ZFPM2: variants seen among roughly 807,000 people sequenced by gnomAD.
The protein encoded by ZFPM2 is zinc finger protein, FOG family member 2.
Under a neutral mutation model 98.6 loss-of-function variants are expected in ZFPM2, and 20 were observed. The ratio of observed to expected loss-of-function variants is 0.20; its 90% CI spans 0.14 to 0.29. The LOEUF (loss-of-function observed/expected upper bound fraction) is 0.29. ZFPM2 is among the 10% of genes least tolerant of loss of function. The pLI is 1.00. For synonymous variants in ZFPM2, 518 were observed against 502.7 expected (o/e 1.03, Z -0.41); for missense variants, 1,310 against 1,388.6 (o/e 0.94, Z 0.90).
chr8:105,646,897 T>G (rs1258520920), intron 5 of ZFPM2, among the ~76,000 whole-genome samples: 1 of 152,166 alleles, frequency 6.6e-6, no homozygotes, highest in Non-Finnish European at 1.5e-5. Flanking sequence ...TGCCCCTGGA[T>G]CTAAAGGCTC....
chr8:105,756,778 C>T (rs1480844456), intron 5 of ZFPM2, among the ~76,000 whole-genome samples: 2 of 151,792 alleles, frequency 1.3e-5, no homozygotes, highest in Non-Finnish European at 2.9e-5. Flanking sequence ...AGATTTCATG[C>T]AGCAGTTGGC....
chr8:105,796,278 G>A (rs1245201066), intron 6 of ZFPM2, among the ~76,000 whole-genome samples: 1 of 152,218 alleles, frequency 6.6e-6, no homozygotes, highest in Non-Finnish European at 1.5e-5. Context: ...AGTATCTGAT[G>A]TTAATTCTAA....
chr8:105,785,866 C>T (rs1813399596), intron 5 of ZFPM2, among the ~76,000 whole-genome samples: 2 of 151,900 alleles, frequency 1.3e-5, no homozygotes, highest in African/African-American at 4.8e-5. Flanking sequence ...CACGGTGAAA[C>T]CCCATCTCTA....
chr8:105,449,707 T>C (rs531762024), intron 3 of ZFPM2, among the ~76,000 whole-genome samples: 8 of 152,048 alleles, frequency 5.3e-5, no homozygotes, highest in Admixed American at 1.3e-4. Flanking sequence ...TTGAGCAAGC[T>C]ATTAACACTC....
chr8:105,785,640 A>G (rs1813393085), intron 5 of ZFPM2, among the ~76,000 whole-genome samples: 1 of 152,184 alleles, frequency 6.6e-6, no homozygotes, highest in Non-Finnish European at 1.5e-5. Context: ...ACCATGGCTC[A>G]CGCCTGCAAT....
At chr8:105,739,341 G>A (rs1812161043) in intron 5 of ZFPM2, among the ~76,000 whole-genome samples, 2 of 152,064 alleles carry the variant, frequency 1.3e-5, no homozygotes, top group South Asian at 4.1e-4. Flanking sequence ...TAAATTAAGT[G>A]TAGTTGTAAT....
intron 5 of ZFPM2, among the ~76,000 whole-genome samples, chr8:105,636,365 G>A (rs780956363): frequency 6.6e-6 from 1 of 152,282 alleles, no homozygotes; most frequent in South Asian, 2.1e-4. Flanking sequence ...GGTAAAGCAT[G>A]CATTGAGTCC....
intron 4 of ZFPM2, among the ~76,000 whole-genome samples, chr8:105,599,560 G>A (rs1816048414): frequency 1.3e-5 from 2 of 151,998 alleles, no homozygotes; most frequent in Non-Finnish European, 2.9e-5. Context: ...GCTGATCAGA[G>A]GATCAGAGTA....
At chr8:105,444,489 C>T in intron 3 of ZFPM2, 108 bp downstream of exon 3, 1 of 686,258 alleles carries the variant, frequency 1.5e-6, no homozygotes, top group Non-Finnish European at 2.4e-6. Context: ...TTTGTGTGTG[C>T]TGGTTACATG....
intron 4 of ZFPM2, among the ~76,000 whole-genome samples, chr8:105,591,697 A>T (rs1815847953): frequency 6.6e-6 from 1 of 152,182 alleles, no homozygotes; most frequent in South Asian, 2.1e-4. Flanking sequence ...TGCAATTTAT[A>T]AAGCTGTATA....
chr8:105,535,997 C>A (rs1194533012), intron 3 of ZFPM2, among the ~76,000 whole-genome samples: 3 of 152,104 alleles, frequency 2.0e-5, no homozygotes, highest in Non-Finnish European at 4.4e-5. Context: ...GGCAATAGGC[C>A]TTGACAGAGA....
Position 105,386,711 on chromosome 8 carries a change from C to G in ZFPM2, c.41-32433C>G, listed in dbSNP as rs546385810. Among the ~76,000 whole-genome samples, 10 of 152,236 alleles carry G rather than the reference C, an allele frequency of 6.6e-5. No homozygotes were observed. In the South Asian group the frequency reaches 2.1e-3, roughly 32 times the overall value. On this transcript the variant is annotated intron_variant, in intron 1 of 7. Coordinates refer to ENST00000407775, the MANE Select transcript of ZFPM2 (RefSeq NM_012082.4). The stretch of plus-strand genomic sequence containing the variant: ...AGGTTGCCACTGCTGGCTGGGGCAG[C>G]CTGCTTTTAGTCTCTTATCGGGCCC...
At chr8:105,412,018 TCAAAG>T (rs1249771065) in intron 1 of ZFPM2, among the ~76,000 whole-genome samples, 5 of 151,856 alleles carry the variant, frequency 3.3e-5, no homozygotes, top group African/African-American at 9.7e-5. Context: ...TTGAAGGTTC[TCAAAG>T]CAAGGCATTT....
At chr8:105,603,962 C>A (rs1187088654) in intron 4 of ZFPM2, among the ~76,000 whole-genome samples, 1 of 151,958 alleles carries the variant, frequency 6.6e-6, no homozygotes, top group African/African-American at 2.4e-5. Context: ...CCGGTCTATT[C>A]TTTTCTTTAG....
At chr8:105,764,124 T>C (rs569432345) in intron 5 of ZFPM2, among the ~76,000 whole-genome samples, 1 of 151,776 alleles carries the variant, frequency 6.6e-6, no homozygotes, top group Non-Finnish European at 1.5e-5. Flanking sequence ...TATCCAGGAC[T>C]CTCTTTGATC....
intron 5 of ZFPM2, among the ~76,000 whole-genome samples, chr8:105,779,855 G>T (rs1262293411): frequency 6.6e-6 from 1 of 152,150 alleles, no homozygotes; most frequent in African/African-American, 2.4e-5. Flanking sequence ...TAAGGCCACT[G>T]CTTCTAGTAA....
At chr8:105,705,571 G>A (rs1469430391) in intron 5 of ZFPM2, among the ~76,000 whole-genome samples, 2 of 152,122 alleles carry the variant, frequency 1.3e-5, no homozygotes, top group African/African-American at 4.8e-5. Flanking sequence ...TATGGCAAAT[G>A]AAGATAAAAA....
At chr8:105,364,808 AC>A (rs1810477563) in intron 1 of ZFPM2, among the ~76,000 whole-genome samples, 1 of 152,130 alleles carries the variant, frequency 6.6e-6, no homozygotes. Context: ...ACCAGCTCGA[AC>A]GGACAATCCA....
Position 105,318,660 on chromosome 8 carries a change from T to C in ZFPM2, c.-282T>C, listed in dbSNP as rs1811953462. ...CTTTTCTCTCTCCCTGACCGTTCGC[T>C]TGTACATTCCCATTCTCCCCCCGTC... On this transcript the variant is annotated 5_prime_UTR_variant, in exon 1 of 8. Transcript: ENST00000407775. The C allele has an allele frequency of 6.6e-6, 1 of 151,258 alleles. No individual in the cohort carries two copies. Among genetic ancestry groups the C allele is most frequent in the Non-Finnish European group, 1.5e-5 (1 of 67,930 alleles). The allele number at this position is 151,258 out of a possible 1,614,324, so 9.4% of individuals were successfully genotyped here.
Sources: gnomAD v4.1 joint callset for allele counts (sites outside exome capture counted in the v4.1 genomes callset) on GRCh38, gnomAD v4.1.1 for gene constraint, MANE v1.5 for transcripts, NCBI Gene and HGNC (gene_info 2026-07-23, HGNC 2026-07-21) for gene names.